ATG10: variants seen among roughly 807,000 people sequenced by gnomAD.
The protein encoded by ATG10 is autophagy related 10.
ATG10 carries 30 observed loss-of-function variants against 32.1 expected under a neutral mutation model. The observed-to-expected ratio is 0.94, with a 90% CI of 0.70 to 1.27. The LOEUF is 1.27. Among genes scored for constraint, ATG10 ranks in the 50% most tolerant of loss-of-function variants. The pLI is 0.00. For synonymous variants in ATG10, 87 were observed against 91.5 expected, an observed-to-expected ratio of 0.95 and a Z score of 0.28; for missense variants, 233 against 262.3, an observed-to-expected ratio of 0.89 and a Z score of 0.77.
intron 3 of ATG10, among the ~76,000 whole-genome samples, chr5:82,158,559 T>G (rs757976640): frequency 1.3e-5 from 2 of 152,066 alleles, no homozygotes; most frequent in Non-Finnish European, 1.5e-5. Context: ...ATTTAAAGTA[T>G]GGGAGGATAT....
At chr5:82,193,491 T>C (rs1337598280) in intron 5 of ATG10, among the ~76,000 whole-genome samples, 2 of 152,186 alleles carry the variant, frequency 1.3e-5, no homozygotes, top group Non-Finnish European at 2.9e-5. Flanking sequence ...CGTATACAGC[T>C]AGGGTAAAAC....
intron 1 of ATG10, among the ~76,000 whole-genome samples, chr5:81,985,242 A>C (rs777852336): frequency 2.6e-5 from 4 of 152,218 alleles, no homozygotes; most frequent in Non-Finnish European, 4.4e-5. Context: ...TTTATGAATG[A>C]AAGTTAATTT....
At chr5:82,115,599 A>T (rs1015803642) in intron 3 of ATG10, among the ~76,000 whole-genome samples, 1 of 152,072 alleles carries the variant, frequency 6.6e-6, no homozygotes, top group African/African-American at 2.4e-5. Flanking sequence ...CAAATCTGTC[A>T]TTTGGCTTTA....
rs192257393 is a variant in ATG10 at position 82,185,756 on chromosome 5, G to A, written c.453+7169G>A. On this transcript the variant is annotated intron_variant, in intron 5 of 7. Coordinates refer to ENST00000282185, the MANE Select transcript of ATG10 (RefSeq NM_031482.5). ...ATAATGAAGCTTGATATGTTGCCTG[G>A]TGATTTATAATGATGGCTGATAAAC... Among the ~76,000 whole-genome samples, 4 of 152,280 alleles carry A rather than the reference G, an allele frequency of 2.6e-5. No individual in the cohort carries two copies. In the East Asian group the frequency reaches 7.7e-4, roughly 29 times the overall value.
chr5:82,186,845 G>A (rs1246216832), intron 5 of ATG10, among the ~76,000 whole-genome samples: 2 of 152,140 alleles, frequency 1.3e-5, no homozygotes, highest in African/African-American at 4.8e-5. Context: ...GCCTCCCAAA[G>A]TGCTGGGATT....
At chr5:82,197,432 TTATC>T (rs199877041) in intron 5 of ATG10, among the ~76,000 whole-genome samples, 2,097 of 149,426 alleles carry the variant, frequency 0.014, 37 homozygotes, top group African/African-American at 0.048. Context: ...CCTAACCAGC[TTATC>T]TATCTATCTA....
intron 3 of ATG10, among the ~76,000 whole-genome samples, chr5:82,109,275 G>T (rs1200379983): frequency 6.6e-6 from 1 of 152,024 alleles, no homozygotes; most frequent in Non-Finnish European, 1.5e-5. Flanking sequence ...ATCAACTGTT[G>T]TAGGGGACAG....
intron 3 of ATG10, among the ~76,000 whole-genome samples, chr5:82,083,823 A>AT (rs1172934212): frequency 1.3e-5 from 2 of 152,216 alleles, no homozygotes; most frequent in African/African-American, 4.8e-5. Flanking sequence ...CCCCATCTGT[A>AT]TGTCACCATC....
intron 2 of ATG10, among the ~76,000 whole-genome samples, chr5:82,032,923 G>A (rs1762784352): frequency 1.3e-5 from 2 of 152,038 alleles, no homozygotes; most frequent in Admixed American, 1.3e-4. Context: ...AGTGGCACGC[G>A]AAATTTATAT....
At chr5:82,066,819 T>A (rs1581654476) in intron 3 of ATG10, among the ~76,000 whole-genome samples, 1 of 152,270 alleles carries the variant, frequency 6.6e-6, no homozygotes, top group Non-Finnish European at 1.5e-5. Flanking sequence ...TTTTTTATAA[T>A]GGAATAAATG....
At chr5:82,099,853 A>G (rs910449263) in intron 3 of ATG10, among the ~76,000 whole-genome samples, 1 of 152,084 alleles carries the variant, frequency 6.6e-6, no homozygotes, top group Admixed American at 6.6e-5. Flanking sequence ...TGCAATCAAT[A>G]TCTATGCAAA....
intron 5 of ATG10, chr5:82,242,660 A>G (rs1052359349): frequency 3.3e-6 from 1 of 300,466 alleles, no homozygotes; most frequent in Non-Finnish European, 6.5e-6. Flanking sequence ...AATGGAAGCC[A>G]GAAGAAAATG....
At chr5:81,974,149 A>C (rs569182046) in intron 1 of ATG10, among the ~76,000 whole-genome samples, 1 of 152,204 alleles carries the variant, frequency 6.6e-6, no homozygotes, top group African/African-American at 2.4e-5. Context: ...TTTGAAACCT[A>C]GAGATGTGTT....
At chr5:82,241,228 A>C (rs543356099) in intron 5 of ATG10, among the ~76,000 whole-genome samples, 1 of 152,172 alleles carries the variant, frequency 6.6e-6, no homozygotes, top group Non-Finnish European at 1.5e-5. Context: ...TCTACCTTCA[A>C]AATAAATCCA....
At chr5:82,193,942 C>T (rs1274386476) in intron 5 of ATG10, among the ~76,000 whole-genome samples, 2 of 152,178 alleles carry the variant, frequency 1.3e-5, no homozygotes, top group African/African-American at 4.8e-5. Context: ...TAACTTTACA[C>T]AAGTTTGGTG....
intron 2 of ATG10, among the ~76,000 whole-genome samples, chr5:81,994,892 G>A (rs1761615440): frequency 6.6e-6 from 1 of 152,122 alleles, no homozygotes; most frequent in Non-Finnish European, 1.5e-5. Flanking sequence ...AATACATCTA[G>A]AAGCCAAGGT....
In ATG10 at chr5:82,231,976, A is replaced by C. The variant is rs549271354; in HGVS notation, c.454-20586A>C. On this transcript the variant is annotated intron_variant, in intron 5 of 7. Coordinates refer to ENST00000282185, the MANE Select transcript of ATG10 (RefSeq NM_031482.5). ...AAATAATATTTGGCACCATTCTAAA[A>C]AGTAATGATAGGTAATAGATTGCTA... Among the ~76,000 whole-genome samples the C allele has an allele frequency of 4.6e-5, 7 of 152,352 alleles. No homozygotes were observed. The South Asian group carries it at 1.5e-3, about 32-fold the overall frequency.
chr5:81,984,138 T>C (rs528329322), intron 1 of ATG10, among the ~76,000 whole-genome samples: 156 of 152,292 alleles, frequency 1.0e-3, no homozygotes, highest in Non-Finnish European at 1.7e-3. Flanking sequence ...CTGGGCACCA[T>C]TGAGCACTGA....
chr5:82,055,977 T>C (rs935340520), intron 2 of ATG10, among the ~76,000 whole-genome samples: 1 of 152,186 alleles, frequency 6.6e-6, no homozygotes, highest in Non-Finnish European at 1.5e-5. Flanking sequence ...AGCCTACGTA[T>C]GTAGGAGGCC....
Sources: gnomAD v4.1 joint callset for allele counts (sites outside exome capture counted in the v4.1 genomes callset) on GRCh38, gnomAD v4.1.1 for gene constraint, MANE v1.5 for transcripts, NCBI Gene and HGNC (gene_info 2026-07-23, HGNC 2026-07-21) for gene names.